The following DNAJC6 variants were observed in gnomAD, a reference collection of about 807,000 sequenced individuals.
DNAJC6 encodes auxilin.
A neutral mutation model predicts 110.0 loss-of-function variants in DNAJC6; 34 were observed. That is an observed-to-expected ratio of 0.31 (90% CI 0.24 to 0.41). The LOEUF is 0.41. Ranked by LOEUF, DNAJC6 falls within the 10% of genes least tolerant of loss-of-function variation. The probability of loss-of-function intolerance (pLI) is 1.00; values close to 1 mark genes in which losing one functional copy is unlikely to be tolerated. For missense variants in DNAJC6, 1,031 were observed against 1,207.8 expected, an observed-to-expected ratio of 0.85 and a Z score of 2.17; for synonymous variants, 406 against 437.2, an observed-to-expected ratio of 0.93 and a Z score of 0.89.
At chr1:65,371,477 T>TA (rs1457840404) in intron 4 of DNAJC6, among the ~76,000 whole-genome samples, 8 of 152,168 alleles carry the variant, frequency 5.3e-5, no homozygotes, top group African/African-American at 1.9e-4. Context: ...TAGCTATGAT[T>TA]AACATTGGTA....
intron 1 of DNAJC6, among the ~76,000 whole-genome samples, chr1:65,364,355 T>A (rs1204642175): frequency 6.6e-6 from 1 of 152,160 alleles, no homozygotes; most frequent in Non-Finnish European, 1.5e-5. Context: ...CTAGCCATAT[T>A]TCAGGCGCTC....
At chr1:65,338,476 A>T (rs1645358627) in intron 1 of DNAJC6, among the ~76,000 whole-genome samples, 1 of 152,034 alleles carries the variant, frequency 6.6e-6, no homozygotes, top group South Asian at 2.1e-4. Flanking sequence ...ATTTCATACT[A>T]AGCTGGGTTG....
intron 1 of DNAJC6, among the ~76,000 whole-genome samples, chr1:65,294,469 A>T (rs1389565873): frequency 6.6e-6 from 1 of 152,216 alleles, no homozygotes; most frequent in African/African-American, 2.4e-5. Context: ...CAAAAGCTTC[A>T]ATCTTCTTAA....
chr1:65,365,612 G>A (rs905716608), intron 2 of DNAJC6, among the ~76,000 whole-genome samples: 18 of 152,196 alleles, frequency 1.2e-4, no homozygotes, highest in African/African-American at 3.9e-4. Flanking sequence ...TGATAAATAA[G>A]CAGAGTTTTC....
At chr1:65,387,009 C>T in intron 8 of DNAJC6, 80 bp downstream of exon 8, 1 of 1,228,700 alleles carries the variant, frequency 8.1e-7, no homozygotes, top group Middle Eastern at 1.9e-4. Context: ...CTCCCCATCA[C>T]TTTGGGCTTG....
intron 5 of DNAJC6, 170 bp downstream of exon 5, chr1:65,379,694 T>C: frequency 9.7e-7 from 1 of 1,026,132 alleles, no homozygotes; most frequent in Non-Finnish European, 1.4e-6. Flanking sequence ...TTATTATTCT[T>C]GACTTAAAGC....
intron 1 of DNAJC6, among the ~76,000 whole-genome samples, chr1:65,344,312 C>G (rs113476349): frequency 3.5e-4 from 54 of 152,298 alleles, no homozygotes; most frequent in African/African-American, 1.3e-3. Context: ...GATACATGCA[C>G]ATGTGTGTAT....
intron 1 of DNAJC6, among the ~76,000 whole-genome samples, chr1:65,358,943 T>C (rs899788052): frequency 6.6e-6 from 1 of 152,190 alleles, no homozygotes; most frequent in Non-Finnish European, 1.5e-5. Context: ...GCCATAGGCA[T>C]GTACTGAATA....
upstream of DNAJC6, among the ~76,000 whole-genome samples, chr1:65,307,018 CTATA>C (rs71056097): frequency 8.9e-3 from 629 of 70,536 alleles, 6 homozygotes; most frequent in Admixed American, 0.013. Flanking sequence ...CTCTCTCTCT[CTATA>C]TATATATATA....
intron 1 of DNAJC6, among the ~76,000 whole-genome samples, chr1:65,303,803 G>A (rs765235624): frequency 3.8e-4 from 58 of 152,016 alleles, no homozygotes; most frequent in Non-Finnish European, 4.9e-4. Context: ...TCGAACTCCC[G>A]ACCTCAGGTG....
At chr1:65,392,410 T>C in intron 11 of DNAJC6, 21 bp from the exon 12 acceptor site, 1 of 1,556,234 alleles carries the variant, frequency 6.4e-7, no homozygotes, top group South Asian at 1.2e-5. Context: ...TAATCTCTTA[T>C]GGTATACTGG....
chr1:65,366,983 G>A (rs957492365), intron 4 of DNAJC6, among the ~76,000 whole-genome samples: 1 of 152,104 alleles, frequency 6.6e-6, no homozygotes, highest in African/African-American at 2.4e-5. Flanking sequence ...AACACACTTC[G>A]TTCCAAATTC....
Position 65,389,994 on chromosome 1 carries a change from C to T in DNAJC6, c.1468+367C>T, listed in dbSNP as rs575506358. Among the ~76,000 whole-genome samples, 5 of 151,690 alleles carry T rather than the reference C, an allele frequency of 3.3e-5. No homozygotes were observed. The East Asian group carries it at 9.7e-4, about 29-fold the overall frequency. Reference sequence around the variant, plus strand: ...CGCCACTGCACTGCATTCTGGGTGACAGAGCAAAACTCCATCTCTAAAAAA... The same window carrying T: ...CGCCACTGCACTGCATTCTGGGTGATAGAGCAAAACTCCATCTCTAAAAAA... On this transcript the variant is annotated intron_variant, in intron 11 of 18. Transcript: ENST00000371069.
chr1:65,354,925 C>T (rs893166432), intron 1 of DNAJC6, among the ~76,000 whole-genome samples: 8 of 152,088 alleles, frequency 5.3e-5, no homozygotes, highest in Non-Finnish European at 8.8e-5. Context: ...TCTCCATTTC[C>T]GGGCCATGGT....
intron 1 of DNAJC6, among the ~76,000 whole-genome samples, chr1:65,302,960 T>C (rs914866244): frequency 6.6e-6 from 1 of 152,198 alleles, no homozygotes; most frequent in Non-Finnish European, 1.5e-5. Flanking sequence ...CTGTAAGAAA[T>C]AAATCTCTGC....
chr1:65,382,603 C>T (rs901908821), intron 5 of DNAJC6, among the ~76,000 whole-genome samples: 24 of 152,156 alleles, frequency 1.6e-4, no homozygotes, highest in African/African-American at 5.8e-4. Flanking sequence ...AACATATTTG[C>T]ACATTACCTT....
rs1430665662 is a variant in DNAJC6, at chr1:65,384,343, G to T, written c.800+17G>T. The T allele has an allele frequency of 1.3e-6, 2 of 1,528,850 alleles. No homozygotes were observed. The highest frequency in any genetic ancestry group is 8.8e-7 in the Non-Finnish European group (1 of 1,142,326). The allele number at this position is 1,528,850 out of a possible 1,614,324, so 94.7% of individuals were successfully genotyped here. A position where few individuals can be genotyped will look rare whatever the true frequency, so the allele number is the denominator to read the frequency against. On this transcript the variant is annotated intron_variant, in intron 6 of 18. Transcript: ENST00000371069. ...CCATAGGAGGTAAAGTAAGCTAGAT[G>T]CAGGCTAGGCACAGATGTAGTCTAA...
chr1:65,312,863 G>A (rs1413777042), intron 1 of DNAJC6, among the ~76,000 whole-genome samples: 4 of 152,176 alleles, frequency 2.6e-5, no homozygotes, highest in Admixed American at 6.5e-5. Flanking sequence ...GCAGTGGTGC[G>A]ATCTCAGCTC....
intron 15 of DNAJC6, among the ~76,000 whole-genome samples, chr1:65,403,077 A>G (rs939539586): frequency 6.6e-6 from 1 of 152,258 alleles, no homozygotes; most frequent in African/African-American, 2.4e-5. Flanking sequence ...AACTTACATT[A>G]TAGAAGGGGA....
Sources: allele counts gnomAD v4.1 joint callset (sites outside exome capture counted in the v4.1 genomes callset), GRCh38; gene constraint gnomAD v4.1.1; transcripts MANE v1.5; gene names NCBI Gene and HGNC (gene_info 2026-07-23, HGNC 2026-07-21).